ZDHHC20: variants seen among roughly 807,000 people sequenced by gnomAD.
ZDHHC20 encodes zDHHC palmitoyltransferase 20, also known as palmitoyltransferase ZDHHC20.
ZDHHC20 carries 43 observed loss-of-function variants against 57.8 expected under a neutral mutation model. The ratio of observed to expected loss-of-function variants is 0.74; its 90% CI spans 0.58 to 0.96. ZDHHC20 has a LOEUF of 0.96. ZDHHC20 is among the 40% of genes least tolerant of loss of function. The probability of loss-of-function intolerance (pLI) is 0.00; values close to 1 mark genes in which losing one functional copy is unlikely to be tolerated. For missense variants in ZDHHC20, 391 were observed against 441.1 expected (o/e 0.89, Z 1.02); for synonymous variants, 157 against 153.0 (o/e 1.03, Z -0.19).
At chr13:21,382,812 G>T (rs377407207) in intron 10 of ZDHHC20, 108 bp downstream of exon 10, 2 of 890,672 alleles carry the variant, frequency 2.2e-6, no homozygotes, top group African/African-American at 3.4e-5. Flanking sequence ...CCCTAACTAT[G>T]CTGGCTTACT....
At chr13:21,454,521 T>C (rs1203240023) in intron 1 of ZDHHC20, among the ~76,000 whole-genome samples, 1 of 152,166 alleles carries the variant, frequency 6.6e-6, no homozygotes, top group African/African-American at 2.4e-5. Flanking sequence ...TTTATAGGAC[T>C]ACCTACCTAA....
At chr13:21,394,659 C>CA (rs1206556170) in intron 7 of ZDHHC20, among the ~76,000 whole-genome samples, 2 of 152,168 alleles carry the variant, frequency 1.3e-5, no homozygotes, top group Non-Finnish European at 2.9e-5. Flanking sequence ...TCATTGCACA[C>CA]AAACATTGCT....
At chr13:21,403,086 T>TA (rs1877935928) in intron 4 of ZDHHC20, among the ~76,000 whole-genome samples, 1 of 152,188 alleles carries the variant, frequency 6.6e-6, no homozygotes, top group African/African-American at 2.4e-5. Flanking sequence ...TCAGCAATTT[T>TA]TAGATGAAAA....
chr13:21,440,976 T>C (rs1217482242), intron 1 of ZDHHC20, among the ~76,000 whole-genome samples: 1 of 152,188 alleles, frequency 6.6e-6, no homozygotes, highest in Admixed American at 6.5e-5. Flanking sequence ...CCTCATATAC[T>C]TCCTGCCCCC....
intron 8 of ZDHHC20, 84 bp downstream of exon 8, chr13:21,391,638 C>T (rs1875733524): frequency 2.1e-6 from 3 of 1,414,126 alleles, no homozygotes; most frequent in Non-Finnish European, 2.9e-6. Context: ...ACTTCTGTAT[C>T]ATCTGACCCT....
chr13:21,439,238 G>A (rs1439389312), intron 1 of ZDHHC20, among the ~76,000 whole-genome samples: 2 of 152,286 alleles, frequency 1.3e-5, no homozygotes, highest in Non-Finnish European at 2.9e-5. Context: ...AGTGGCTCAC[G>A]CCTGTAATCC....
chr13:21,390,951 C>G (rs535175852), intron 8 of ZDHHC20, among the ~76,000 whole-genome samples: 28 of 151,174 alleles, frequency 1.9e-4, no homozygotes, highest in African/African-American at 6.5e-4. Flanking sequence ...TATGTTTTAG[C>G]TAAAAGATAA....
At chr13:21,447,521 T>C (rs927644947) in intron 1 of ZDHHC20, among the ~76,000 whole-genome samples, 1 of 146,666 alleles carries the variant, frequency 6.8e-6, no homozygotes, top group African/African-American at 2.5e-5. Context: ...TAACCGCGAG[T>C]GATCCGCCAG....
intron 1 of ZDHHC20, 53 bp from the exon 2 acceptor site, chr13:21,425,731 A>G: frequency 1.0e-6 from 1 of 991,592 alleles, no homozygotes; most frequent in Non-Finnish European, 1.4e-6. Context: ...TTTTGTATGT[A>G]AGTTTTATTT....
At chr13:21,381,643 T>C in intron 10 of ZDHHC20, 94 bp from the exon 11 acceptor site, 1 of 846,664 alleles carries the variant, frequency 1.2e-6, no homozygotes, top group Non-Finnish European at 1.9e-6. Flanking sequence ...TTCCTTCTCC[T>C]AAATATGTGA....
chr13:21,433,524 G>A (rs1882219791), intron 1 of ZDHHC20, among the ~76,000 whole-genome samples: 1 of 151,970 alleles, frequency 6.6e-6, no homozygotes, highest in Admixed American at 6.6e-5. Flanking sequence ...GGGTGAGGTA[G>A]GAGAATGGCG....
At chr13:21,423,027 C>G (rs1880819607) in intron 2 of ZDHHC20, among the ~76,000 whole-genome samples, 1 of 152,164 alleles carries the variant, frequency 6.6e-6, no homozygotes, top group Non-Finnish European at 1.5e-5. Context: ...AACAGTGAGG[C>G]TCAGAGAATT....
chr13:21,421,760 T>C (rs550667762), intron 2 of ZDHHC20, among the ~76,000 whole-genome samples: 25 of 152,304 alleles, frequency 1.6e-4, no homozygotes, highest in Middle Eastern at 3.4e-3. Context: ...AAAAGATTTT[T>C]GTTGTATTCT....
chr13:21,456,707 T>G (rs1206623179), intron 1 of ZDHHC20, among the ~76,000 whole-genome samples: 1 of 152,238 alleles, frequency 6.6e-6, no homozygotes, highest in East Asian at 1.9e-4. Context: ...AGCCTCTACA[T>G]AAGACCTTTC....
Position 21,403,565 on chromosome 13 carries a change from T to C in ZDHHC20, c.371-699A>G, listed in dbSNP as rs1878014636. ...TAAATAATGTATTAGACAGTGATAA[T>C]ATAGATAGCAGGGAAGGAAACATTG... On this transcript the variant is annotated intron_variant, in intron 4 of 12. Transcript: ENST00000400590. Among the ~76,000 whole-genome samples the C allele has an allele frequency of 4.6e-5, 7 of 152,258 alleles. No individual in the cohort carries two copies. The South Asian group carries it at 1.5e-3, about 32-fold the overall frequency.
In ZDHHC20 at chr13:21,387,614, A is replaced by G. The variant is rs772852460; in HGVS notation, c.748T>C (p.Phe250Leu). 4.0e-6 allele frequency: 6 copies of G among 1,483,062 alleles called. No homozygotes were observed. The African/African-American group carries it at 5.7e-5, about 14-fold the overall frequency. 91.9% of individuals were successfully genotyped at this position (1,483,062 alleles called of 1,614,324 possible). The change falls in exon 9 of 13, where the codon TTT (phenylalanine) becomes CTT (leucine). Residue 250 changes from phenylalanine to leucine, a missense_variant. Phe to Leu is a conservative substitution (Grantham distance 22). Transcript: ENST00000400590. ...TTIESFRAPT[F>L]SYGPDGNGFS... ...CCATTTCCATCAGGTCCGTATGAAA[A>G]CGTGGGTGCGCGGAATGATTCTGTT...
In ZDHHC20 at chr13:21,421,116, A is replaced by C; in HGVS notation, c.194T>G (p.Phe65Cys). The change falls in exon 3 of 13, where the codon TTT (phenylalanine) becomes TGT (cysteine). Residue 65 changes from phenylalanine (F) to cysteine (C), a missense_variant. Phe to Cys is a radical substitution (Grantham distance 205, BLOSUM62 -2). Around this residue, in one of 3 missense-constraint regions of ZDHHC20, gnomAD observed 185 missense variants for 188.0 expected, o/e 0.98. Transcript: ENST00000400590. ...AATTGTCATCCAATAGGACCATACA[A>C]ACATAACAAAGAACAGATGGAAAGC... The part of the protein sequence containing the change: ...LVAFHLFFVM[F>C]VWSYWMTIFT... The C allele has an allele frequency of 6.2e-7, 1 of 1,613,436 alleles. No individual in the cohort carries two copies. The highest frequency in any genetic ancestry group is 8.5e-7 in the Non-Finnish European group (1 of 1,179,748).
intron 7 of ZDHHC20, among the ~76,000 whole-genome samples, chr13:21,399,408 T>A (rs1177549441): frequency 2.0e-5 from 3 of 151,844 alleles, no homozygotes; most frequent in Admixed American, 6.6e-5. Context: ...TCTAAATTTT[T>A]AAAAAATGGC....
intron 1 of ZDHHC20, among the ~76,000 whole-genome samples, chr13:21,456,714 T>G (rs990864618): frequency 6.6e-5 from 10 of 152,210 alleles, no homozygotes; most frequent in Non-Finnish European, 1.5e-4. Flanking sequence ...ACATAAGACC[T>G]TTCACCACCA....
Sources: allele counts gnomAD v4.1 joint callset (sites outside exome capture counted in the v4.1 genomes callset), GRCh38; gene constraint gnomAD v4.1.1; regional missense constraint gnomAD v4.1.1; transcripts MANE v1.5; gene names NCBI Gene and HGNC (gene_info 2026-07-23, HGNC 2026-07-21).